Variants in TEAD1 observed in about 807,000 individuals in gnomAD.
TEAD1 encodes TEA domain transcription factor 1.
In TEAD1, 9 loss-of-function variants were observed where a neutral mutation model predicts 54.9. The observed-to-expected ratio is 0.16, with a 90% confidence interval of 0.10 to 0.29. The LOEUF (loss-of-function observed/expected upper bound fraction) is 0.29. TEAD1 is among the 10% of genes least tolerant of loss of function. The pLI, the probability that TEAD1 is intolerant of heterozygous loss-of-function variation, is 1.00. For missense variants in TEAD1, 387 were observed against 535.9 expected (o/e 0.72, Z 2.74); for synonymous variants, 200 against 187.8 (o/e 1.07, Z -0.53).
chr11:12,764,089 C>G, intron 2 of TEAD1, 90 bp from the exon 3 acceptor site: 1 of 786,754 alleles, frequency 1.3e-6, no homozygotes, highest in South Asian at 2.0e-5. Context: ...ATGAAAAAAG[C>G]TGGTGACTGA....
intron 2 of TEAD1, among the ~76,000 whole-genome samples, chr11:12,676,435 T>C (rs1255521335): frequency 6.6e-6 from 1 of 152,200 alleles, no homozygotes; most frequent in Non-Finnish European, 1.5e-5. Context: ...GATAGGGGCT[T>C]CTCTGAGGCA....
At chr11:12,707,515 C>G (rs1943845110) in intron 2 of TEAD1, among the ~76,000 whole-genome samples, 1 of 152,242 alleles carries the variant, frequency 6.6e-6, no homozygotes, top group South Asian at 2.1e-4. Context: ...AGGTGATTCT[C>G]TCAAGGCTCT....
At chr11:12,786,646 T>C (rs1945682611) in intron 3 of TEAD1, among the ~76,000 whole-genome samples, 1 of 152,212 alleles carries the variant, frequency 6.6e-6, no homozygotes, top group Non-Finnish European at 1.5e-5. Context: ...ATTCAGTAGA[T>C]GCTTATTGAG....
chr11:12,754,520 AC>A (rs1302820305), intron 2 of TEAD1, among the ~76,000 whole-genome samples: 1 of 152,246 alleles, frequency 6.6e-6, no homozygotes, highest in Non-Finnish European at 1.5e-5. Flanking sequence ...TCTGCCTGTT[AC>A]AAACAATGAA....
rs553539790 is a variant in TEAD1 at position 12,869,940 on chromosome 11, C to T, written c.330+5040C>T. ...TGTCGCCCGGGCGGGAGTGCAGTGGCGCCATCTCGGCTCATTGCAACCTCC... is the reference window on the plus strand; with the variant it reads ...TGTCGCCCGGGCGGGAGTGCAGTGGTGCCATCTCGGCTCATTGCAACCTCC... On this transcript the variant is annotated intron_variant, in intron 5 of 12. Transcript: ENST00000527636. 4.6e-5 allele frequency among the ~76,000 whole-genome samples: 7 copies of T among 152,068 alleles called. No individual in the cohort carries two copies. The East Asian group carries it at 5.8e-4, about 13-fold the overall frequency.
chr11:12,895,915 T>C (rs1948306448), intron 9 of TEAD1, among the ~76,000 whole-genome samples: 1 of 152,228 alleles, frequency 6.6e-6, no homozygotes. Context: ...GATTTAGTTC[T>C]CTAAATTTAG....
chr11:12,876,609 A>G (rs1202106359), intron 5 of TEAD1, among the ~76,000 whole-genome samples: 2 of 152,114 alleles, frequency 1.3e-5, no homozygotes, highest in Admixed American at 6.6e-5. Context: ...CCATTTTCCA[A>G]TCCCCCTAGC....
At chr11:12,686,053 G>GGGCTGCCCTTTATGGTTCCCCAT (rs1375890632) in intron 2 of TEAD1, among the ~76,000 whole-genome samples, 1 of 152,152 alleles carries the variant, frequency 6.6e-6, no homozygotes, top group African/African-American at 2.4e-5. Context: ...ATTTTCGACA[G>GGGCTGCCCTTTATGGTTCCCCAT]GGCTGCCCTT....
At chr11:12,784,503 C>T (rs946576377) in intron 3 of TEAD1, among the ~76,000 whole-genome samples, 1 of 152,170 alleles carries the variant, frequency 6.6e-6, no homozygotes, top group East Asian at 1.9e-4. Flanking sequence ...GGATAGAATC[C>T]ATTGGAAGCA....
intron 2 of TEAD1, among the ~76,000 whole-genome samples, chr11:12,740,921 A>G (rs930732752): frequency 1.3e-5 from 2 of 152,136 alleles, no homozygotes; most frequent in African/African-American, 4.8e-5. Context: ...CTTGTATTCA[A>G]GGGCTTGAAT....
intron 10 of TEAD1, among the ~76,000 whole-genome samples, chr11:12,914,583 A>G (rs1564988705): frequency 6.6e-6 from 1 of 152,182 alleles, no homozygotes; most frequent in East Asian, 1.9e-4. Flanking sequence ...ACCCACCCCA[A>G]GCCTCTGAAT....
intron 9 of TEAD1, among the ~76,000 whole-genome samples, chr11:12,888,988 G>A (rs1414751269): frequency 1.3e-5 from 2 of 152,176 alleles, no homozygotes; most frequent in African/African-American, 4.8e-5. Flanking sequence ...CCAGACGGCA[G>A]CTTCCCCAAG....
rs7925194 is a variant in TEAD1 at position 12,849,310 on chromosome 11, G to A, written c.203-12940G>A. On this transcript the variant is annotated intron_variant, in intron 3 of 12. Transcript: ENST00000527636. Reference sequence around the variant, plus strand: ...AGTGATCCACCTGGACCTCCCAAAAGTGCTGGGATTACAGGCTTGAGCCAC... The same window carrying A: ...AGTGATCCACCTGGACCTCCCAAAAATGCTGGGATTACAGGCTTGAGCCAC... 1,479 of 152,280 alleles carry A rather than the reference G, an allele frequency of 9.7e-3. 21 individuals are homozygous for A. The highest frequency in any genetic ancestry group is 0.034 in the African/African-American group (1,399 of 41,544). The allele number at this position is 152,280 out of a possible 1,614,324, so 9.4% of individuals were successfully genotyped here. A position where few individuals can be genotyped will look rare whatever the true frequency, so the allele number is the denominator to read the frequency against.
At chr11:12,696,560 T>G (rs566668580) in intron 2 of TEAD1, among the ~76,000 whole-genome samples, 8 of 152,212 alleles carry the variant, frequency 5.3e-5, no homozygotes, top group Non-Finnish European at 1.2e-4. Flanking sequence ...TTTCCATCTC[T>G]TGTGAGGGTT....
chr11:12,925,756 T>C (rs1355986130), intron 11 of TEAD1, among the ~76,000 whole-genome samples: 2 of 152,102 alleles, frequency 1.3e-5, no homozygotes, highest in African/African-American at 4.8e-5. Flanking sequence ...ATGCCCTCCC[T>C]ACACCCAACC....
At chr11:12,757,512 A>G (rs1945007509) in intron 2 of TEAD1, among the ~76,000 whole-genome samples, 1 of 152,216 alleles carries the variant, frequency 6.6e-6, no homozygotes, top group African/African-American at 2.4e-5. Flanking sequence ...ATTAGTTGCC[A>G]ATAATTGTGA....
chr11:12,857,578 CTGTGTGTGTG>C (rs10694132), intron 3 of TEAD1, among the ~76,000 whole-genome samples: 68 of 145,846 alleles, frequency 4.7e-4, no homozygotes, highest in Admixed American at 1.0e-3. Flanking sequence ...CTCTCTGTCT[CTGTGTGTGTG>C]TGTGTGTGTG....
chr11:12,916,917 T>G (rs2134150904), intron 10 of TEAD1, among the ~76,000 whole-genome samples: 1 of 152,292 alleles, frequency 6.6e-6, no homozygotes, highest in South Asian at 2.1e-4. Context: ...CAGAATTGTG[T>G]TACAGAAGTG....
At chr11:12,893,440 C>G (rs920611536) in intron 9 of TEAD1, among the ~76,000 whole-genome samples, 2 of 152,192 alleles carry the variant, frequency 1.3e-5, no homozygotes, top group African/African-American at 2.4e-5. Flanking sequence ...CTAAGATGCT[C>G]TGGCCACTTC....
Sources: gnomAD v4.1 joint callset for allele counts (sites outside exome capture counted in the v4.1 genomes callset) on GRCh38, gnomAD v4.1.1 for gene constraint, MANE v1.5 for transcripts, NCBI Gene and HGNC (gene_info 2026-07-23, HGNC 2026-07-21) for gene names.